KLHL41: variants seen among roughly 807,000 people sequenced by gnomAD.
KLHL41 encodes kelch like family member 41.
A neutral mutation model predicts 49.2 loss-of-function variants in KLHL41; 31 were observed. That is an observed-to-expected ratio of 0.63 (90% CI 0.47 to 0.85). The LOEUF (loss-of-function observed/expected upper bound fraction) is 0.85, where lower values mean the gene tolerates loss of function less well. KLHL41 is among the 40% of genes least tolerant of loss of function. KLHL41 has a pLI of 0.00. For missense variants in KLHL41, 663 were observed against 726.7 expected (o/e 0.91, Z 1.01); for synonymous variants, 218 against 258.5 (o/e 0.84, Z 1.50).
chr2:169,522,334 GA>G (rs1490921411), intron 5 of KLHL41, among the ~76,000 whole-genome samples: 3 of 151,934 alleles, frequency 2.0e-5, no homozygotes, highest in South Asian at 2.1e-4. Flanking sequence ...TAGAGGGCAA[GA>G]AAAAAAGTGG....
intron 5 of KLHL41, 98 bp from the exon 6 acceptor site, chr2:169,525,487 C>G (rs1684289302): frequency 1.4e-6 from 1 of 719,288 alleles, no homozygotes. Flanking sequence ...GAGTAAGAGC[C>G]ACTAGGGTTT....
intron 5 of KLHL41, among the ~76,000 whole-genome samples, chr2:169,522,705 A>ATTTTTTTTTTTT (rs60635668): frequency 6.0e-5 from 3 of 50,126 alleles, no homozygotes; most frequent in East Asian, 7.5e-4. Context: ...CTTCCCAGTG[A>ATTTTTTTTTTTT]TTTTTTTTTT....
Position 169,514,903 on chromosome 2 carries a change from CATA to C in KLHL41, c.1321_1323del (p.Asn441del). 3 of 1,612,058 alleles carry C rather than the reference CATA, an allele frequency of 1.9e-6. No homozygotes were observed. The highest frequency in any genetic ancestry group is 2.5e-6 in the Non-Finnish European group (3 of 1,179,504). Reference sequence around the variant, plus strand: ...AAAACTCCCTATCAAAGTCTATGGCCATAATGTGATTTCACATAAAGGGATGAT... The same window carrying C: ...AAAACTCCCTATCAAAGTCTATGGCCATGTGATTTCACATAAAGGGATGAT... On this transcript the variant is annotated inframe_deletion, in exon 3 of 6. Coordinates refer to ENST00000284669, the MANE Select transcript of KLHL41 (RefSeq NM_006063.3).
chr2:169,516,417 TC>T (rs904655918), intron 3 of KLHL41, among the ~76,000 whole-genome samples: 2 of 152,192 alleles, frequency 1.3e-5, no homozygotes, highest in African/African-American at 4.8e-5. Flanking sequence ...TCCCAGCTAT[TC>T]CTATCAAATT....
At chr2:169,524,301 T>C (rs189081114) in intron 5 of KLHL41, among the ~76,000 whole-genome samples, 3 of 152,276 alleles carry the variant, frequency 2.0e-5, no homozygotes, top group Admixed American at 6.5e-5. Flanking sequence ...GGTACAATTA[T>C]TGAGAACTAA....
chr2:169,519,390 CTATT>C (rs1358570606), intron 4 of KLHL41, among the ~76,000 whole-genome samples: 8 of 152,230 alleles, frequency 5.3e-5, no homozygotes, highest in African/African-American at 1.9e-4. Flanking sequence ...TTGTGGAACA[CTATT>C]TAAATTATCA....
At chr2:169,524,636 G>C (rs1176683499) in intron 5 of KLHL41, among the ~76,000 whole-genome samples, 1 of 151,916 alleles carries the variant, frequency 6.6e-6, no homozygotes, top group Non-Finnish European at 1.5e-5. Context: ...GATCTCAGGT[G>C]ACCTGCCCCC....
intron 1 of KLHL41, among the ~76,000 whole-genome samples, chr2:169,511,279 G>A (rs1486824608): frequency 1.3e-5 from 2 of 151,990 alleles, no homozygotes; most frequent in Non-Finnish European, 2.9e-5. Flanking sequence ...CGAACTCCTG[G>A]GCTCAAGCAA....
chr2:169,513,122 AC>A (rs1684055877), intron 1 of KLHL41, among the ~76,000 whole-genome samples: 1 of 152,210 alleles, frequency 6.6e-6, no homozygotes, highest in Admixed American at 6.5e-5. Flanking sequence ...GGTAGGCAGT[AC>A]TGTACAGTAT....
chr2:169,515,003 T>C (rs1684091705), intron 3 of KLHL41, 42 bp downstream of exon 3: 3 of 1,242,000 alleles, frequency 2.4e-6, no homozygotes, highest in Non-Finnish European at 3.4e-6. Context: ...TAAATGACTT[T>C]TTATTAGAAG....
chr2:169,520,316 G>GTGTGTA lies in KLHL41; in HGVS notation c.1563-540_1563-539insATGTGT, dbSNP rs1559132018. ...TGTGTGTGTGTGTGTGTGTGTATGT[G>GTGTGTA]TGTGTGTGTGTGTGGAGGCAGTCCA... On this transcript the variant is annotated intron_variant, in intron 4 of 5. Transcript: ENST00000284669. 1.8e-4 allele frequency among the ~76,000 whole-genome samples: 25 copies of GTGTGTA among 139,990 alleles called. 1 individual carries two copies. The highest frequency in any genetic ancestry group is 1.2e-3 in the South Asian group (5 of 4,044). 91.8% of individuals were successfully genotyped at this position (139,990 alleles called of 152,430 possible).
At position 169,526,153 on chromosome 2, in the gene KLHL41, T is replaced by C. The variant is rs541052025; in HGVS notation, c.*457T>C. ...CCTGTGCATTATACTAAGAATTACA[T>C]GCCATAAGATGACTTCAGAAATCCT... On this transcript the variant is annotated 3_prime_UTR_variant, in exon 6 of 6. Coordinates refer to ENST00000284669, the MANE Select transcript of KLHL41 (RefSeq NM_006063.3). 1 of 152,192 alleles carries C rather than the reference T, an allele frequency of 6.6e-6. No individual in the cohort carries two copies. Among genetic ancestry groups the C allele is most frequent in the South Asian group, 2.1e-4 (1 of 4,828 alleles). 9.4% of individuals were successfully genotyped at this position (152,192 alleles called of 1,614,324 possible). A position where few individuals can be genotyped will look rare whatever the true frequency, so the allele number is the denominator to read the frequency against.
intron 4 of KLHL41, among the ~76,000 whole-genome samples, chr2:169,519,759 A>AT: frequency 6.6e-6 from 1 of 151,336 alleles, no homozygotes; most frequent in Non-Finnish European, 1.5e-5. Context: ...AAATCGGCTA[A>AT]TTTTTTGTAT....
chr2:169,510,669 G>A lies in KLHL41; in HGVS notation c.891G>A (p.Arg297=), dbSNP rs760189516. Residue 297 remains arginine (R), a synonymous_variant, in exon 1 of 6, where the codon AGG becomes AGA. Transcript: ENST00000284669. This position sits in a 1 kb window ranked among gnomAD's most constrained non-coding sequence, Gnocchi z 4.2. The part of the protein sequence containing the change: ...LLPGYLNDIP[R]HGMFVKDLIL... ...CTGGTTACCTGAATGACATTCCCAG[G>A]CATGGAATGTTTGTAAAAGACCTCA... is the stretch of plus-strand genomic sequence containing the variant. 1.2e-5 allele frequency: 19 copies of A among 1,613,980 alleles called. No individual in the cohort carries two copies. The highest frequency in any genetic ancestry group is 1.6e-5 in the Non-Finnish European group (19 of 1,179,894).
chr2:169,515,658 C>G (rs1331235257), intron 3 of KLHL41, among the ~76,000 whole-genome samples: 4 of 151,984 alleles, frequency 2.6e-5, no homozygotes, highest in African/African-American at 9.7e-5. Context: ...TCTTCTAAGA[C>G]AACTGTGCAT....
chr2:169,519,128 C>T lies in KLHL41; in HGVS notation c.1562+753C>T, dbSNP rs145026753. Among the ~76,000 whole-genome samples, 552 of 152,144 alleles carry T rather than the reference C, an allele frequency of 3.6e-3. 5 individuals are homozygous for T. Among genetic ancestry groups the T allele is most frequent in the Middle Eastern group, 0.024 (7 of 294 alleles). On this transcript the variant is annotated intron_variant, in intron 4 of 5. Transcript: ENST00000284669. ...TGCTTCCCAAGTTTTCATTCCTTTA[C>T]GCTGTTTATAATTTTATTAAAAATT...
intron 3 of KLHL41, among the ~76,000 whole-genome samples, chr2:169,516,981 C>T (rs1684122259): frequency 6.6e-6 from 1 of 152,162 alleles, no homozygotes; most frequent in Non-Finnish European, 1.5e-5. Flanking sequence ...CACTGCACTC[C>T]AGCCTGGGCA....
rs369529139 is a variant in KLHL41 at position 169,520,237 on chromosome 2, G to C, written c.1563-624G>C. On this transcript the variant is annotated intron_variant, in intron 4 of 5. Transcript: ENST00000284669. ...ACAGTCCATTTTGTTGCCCAGGCTG[G>C]TCTCATACTCCTTGGGCTCAAGCTA... Among the ~76,000 whole-genome samples the C allele has an allele frequency of 7.5e-5, 10 of 133,708 alleles. 1 individual carries two copies. In the South Asian group the frequency reaches 2.4e-3, roughly 32 times the overall value. The allele number at this position is 133,708 out of a possible 152,430, so 87.7% of individuals were successfully genotyped here. A position where few individuals can be genotyped will look rare whatever the true frequency, so the allele number is the denominator to read the frequency against.
At chr2:169,517,000 G>A (rs1443882871) in intron 3 of KLHL41, among the ~76,000 whole-genome samples, 5 of 151,834 alleles carry the variant, frequency 3.3e-5, no homozygotes, top group Non-Finnish European at 5.9e-5. Context: ...CAACAAGAGC[G>A]AAACTCCGTC....
Sources: allele counts gnomAD v4.1 joint callset (sites outside exome capture counted in the v4.1 genomes callset), GRCh38; gene constraint gnomAD v4.1.1; non-coding constraint Gnocchi (gnomAD v3.1); transcripts MANE v1.5; gene names NCBI Gene and HGNC (gene_info 2026-07-23, HGNC 2026-07-21).